Variants in XDH observed in about 807,000 individuals in gnomAD.
XDH encodes the protein xanthine dehydrogenase.
In XDH, 138 loss-of-function variants were observed where a neutral mutation model predicts 156.1. The ratio of observed to expected loss-of-function variants is 0.88; its 90% CI spans 0.77 to 1.02. XDH has a LOEUF of 1.02. Among genes scored for constraint, XDH ranks in the 50% least tolerant of loss-of-function variants. The probability of loss-of-function intolerance (pLI) is 0.00; values close to 1 mark genes in which losing one functional copy is unlikely to be tolerated. For missense variants in XDH, 1,849 were observed against 1,684.9 expected, an observed-to-expected ratio of 1.10 and a Z score of -1.71; for synonymous variants, 669 against 625.7, an observed-to-expected ratio of 1.07 and a Z score of -1.03.
At chr2:31,404,253 T>C (rs1284041652) in intron 2 of XDH, among the ~76,000 whole-genome samples, 1 of 152,112 alleles carries the variant, frequency 6.6e-6, no homozygotes, top group Non-Finnish European at 1.5e-5. Flanking sequence ...TTCTGTGTCC[T>C]AGTCAGGATA....
At chr2:31,402,964 C>T in intron 3 of XDH, 84 bp downstream of exon 3, 1 of 1,462,372 alleles carries the variant, frequency 6.8e-7, no homozygotes, top group East Asian at 2.3e-5. Context: ...CATGCACATA[C>T]ACACATACAC....
rs1422353692 is a variant in XDH at position 31,414,573 on chromosome 2, T to C, written c.42+52A>G. 23 of 1,611,628 alleles carry C rather than the reference T, an allele frequency of 1.4e-5. No homozygotes were observed. In the Middle Eastern group the frequency reaches 1.2e-3, roughly 81 times the overall value. ...AGATATGGCTCTGCCAGAGGACACA[T>C]TTCCCCTCCCAGGGAGAAGGGACAC... is the stretch of plus-strand genomic sequence containing the variant. On this transcript the variant is annotated intron_variant, in intron 1 of 35. Coordinates refer to ENST00000379416, the MANE Select transcript of XDH (RefSeq NM_000379.4).
chr2:31,382,934 C>A, intron 11 of XDH, 67 bp downstream of exon 11: 1 of 1,609,958 alleles, frequency 6.2e-7, no homozygotes, highest in South Asian at 1.1e-5. Flanking sequence ...CAGTGAGAGT[C>A]TGGCTGCCCT....
At chr2:31,410,008 T>C (rs1261453383) in intron 1 of XDH, among the ~76,000 whole-genome samples, 1 of 152,198 alleles carries the variant, frequency 6.6e-6, no homozygotes, top group African/African-American at 2.4e-5. Flanking sequence ...AATAGATGAA[T>C]GGATAAGCAA....
At chr2:31,342,540 C>T (rs576616346) in intron 31 of XDH, among the ~76,000 whole-genome samples, 1 of 152,296 alleles carries the variant, frequency 6.6e-6, no homozygotes, top group East Asian at 1.9e-4. Flanking sequence ...TTCTGTACAG[C>T]CTAGCAGTGT....
At chr2:31,404,717 C>T (rs1687150037) in intron 2 of XDH, among the ~76,000 whole-genome samples, 1 of 152,144 alleles carries the variant, frequency 6.6e-6, no homozygotes, top group Non-Finnish European at 1.5e-5. Context: ...ATGCAATCAC[C>T]TGATCCGATC....
chr2:31,347,793 T>C (rs190169736), intron 28 of XDH, 143 bp from the exon 29 acceptor site: 2 of 1,157,700 alleles, frequency 1.7e-6, no homozygotes, highest in Non-Finnish European at 2.4e-6. Context: ...GGGATGTCCT[T>C]ACATCTGGCT....
Position 31,381,695 on chromosome 2 carries a change from G to A in XDH, c.1070C>T (p.Pro357Leu). ...GAACACGGGGTTGAGGTCGGAGATG[G>A]GGCTGGCAGTGATGATGTTCCCTCC... ...SVGGNIITAS[P>L]ISDLNPVFMA... is the part of the protein sequence containing the mutation. Residue 357 changes from proline to leucine, a missense_variant, in exon 12 of 36, where the codon CCC (proline) becomes CTC (leucine). Physicochemically the swap from Pro to Leu is moderately conservative, Grantham distance 98. Coordinates refer to ENST00000379416, the MANE Select transcript of XDH (RefSeq NM_000379.4). The A allele has an allele frequency of 6.2e-7, 1 of 1,613,950 alleles. No individual in the cohort carries two copies. Among genetic ancestry groups the A allele is most frequent in the Non-Finnish European group, 8.5e-7 (1 of 1,179,980 alleles).
chr2:31,398,870 C>A (rs969348578), intron 4 of XDH, among the ~76,000 whole-genome samples, 171 bp from the exon 5 acceptor site: 13 of 152,178 alleles, frequency 8.5e-5, no homozygotes, highest in African/African-American at 2.4e-4. Context: ...AGTTTCCAAG[C>A]CCTCTGAGTC....
At chr2:31,349,631 G>C (rs1685404301) in intron 26 of XDH, 55 bp downstream of exon 26, 9 of 1,612,488 alleles carry the variant, frequency 5.6e-6, no homozygotes, top group Non-Finnish European at 7.6e-6. Context: ...TCAGCAGAAA[G>C]GCTGTAGGAT....
rs113824841 is a variant in XDH, at chr2:31,409,153, G to A, written c.43-3189C>T. On this transcript the variant is annotated intron_variant, in intron 1 of 35. Transcript: ENST00000379416. ...ATCAGAGGCTGGAAAGGGTAGTAGG[G>A]GGTAAGAGGAAAGTAGGGATGGCTA... Among the ~76,000 whole-genome samples the A allele has an allele frequency of 4.5e-3, 687 of 152,178 alleles. 7 individuals are homozygous for A. Among genetic ancestry groups the A allele is most frequent in the African/African-American group, 0.015 (638 of 41,522 alleles).
intron 24 of XDH, among the ~76,000 whole-genome samples, chr2:31,361,664 T>C (rs3820922): frequency 0.42 from 64,371 of 152,082 alleles, 14,818 homozygotes; most frequent in Non-Finnish European, 0.51. Context: ...TCCTGAGATT[T>C]AAGCACTATG....
rs1210425191 is a variant in XDH at position 31,378,107 on chromosome 2, AAAGGAAGGAAGGAAGG to A, written c.1243-886_1243-871del. The stretch of plus-strand genomic sequence containing the variant: ...GAAAGAAAGAAAGAAAGAAAGAAAG[AAAGGAAGGAAGGAAGG>A]AAGGAAGGAAGGAAGGAAGGAAGGA... On this transcript the variant is annotated intron_variant, in intron 13 of 35. Transcript: ENST00000379416. Among the ~76,000 whole-genome samples, 509 of 54,308 alleles carry A rather than the reference AAAGGAAGGAAGGAAGG, an allele frequency of 9.4e-3. 8 individuals are homozygous for A. Among genetic ancestry groups the A allele is most frequent in the African/African-American group, 0.019 (241 of 12,612 alleles). 35.6% of individuals were successfully genotyped at this position (54,308 alleles called of 152,430 possible).
At chr2:31,339,182 G>A (rs1214679085) in intron 34 of XDH, among the ~76,000 whole-genome samples, 10 of 152,124 alleles carry the variant, frequency 6.6e-5, no homozygotes, top group Admixed American at 1.3e-4. Flanking sequence ...AGTGACGTAC[G>A]CCTGAGATAT....
chr2:31,402,120 CAG>C (rs35575779), intron 3 of XDH, among the ~76,000 whole-genome samples: 7,522 of 152,186 alleles, frequency 0.049, 300 homozygotes, highest in African/African-American at 0.098. Flanking sequence ...TGATTTGCAG[CAG>C]AGTCTTAACT....
intron 1 of XDH, among the ~76,000 whole-genome samples, chr2:31,407,200 CTAA>C (rs1277676805): frequency 2.0e-5 from 3 of 152,190 alleles, no homozygotes; most frequent in Admixed American, 2.0e-4. Context: ...ACATAAAAAT[CTAA>C]CATGCCACCT....
At chr2:31,365,083 T>C (rs559985576) in intron 23 of XDH, among the ~76,000 whole-genome samples, 1 of 152,330 alleles carries the variant, frequency 6.6e-6, no homozygotes, top group South Asian at 2.1e-4. Flanking sequence ...GTTTTATTTC[T>C]CACAGTAAAT....
intron 2 of XDH, 116 bp from the exon 3 acceptor site, chr2:31,403,260 C>A (rs985010043): frequency 4.4e-6 from 5 of 1,142,572 alleles, no homozygotes; most frequent in Non-Finnish European, 6.3e-6. Flanking sequence ...TGCTCAGGCC[C>A]CTCAACCAAG....
Position 31,337,762 on chromosome 2 carries a change from T to A in XDH, c.3830A>T (p.Asp1277Val). 6 of 1,614,218 alleles carry A rather than the reference T, an allele frequency of 3.7e-6. No individual in the cohort carries two copies. The South Asian group carries it at 5.5e-5, about 15-fold the overall frequency. Residue 1277 changes from aspartate to valine, a missense_variant, in exon 35 of 36, where the codon GAT becomes GTT. By Grantham distance (152) the Asp-to-Val change is radical. Transcript: ENST00000379416. ...LAASIFFAIK[D>V]AIRAARAQHT... ...CTGAGCTCGAGCTGCACGGATGGCATCTTTGATGGCAAAGAAGATAGAAGC... is the reference window on the plus strand; with the variant it reads ...CTGAGCTCGAGCTGCACGGATGGCAACTTTGATGGCAAAGAAGATAGAAGC...
Sources: allele counts gnomAD v4.1 joint callset (sites outside exome capture counted in the v4.1 genomes callset), GRCh38; gene constraint gnomAD v4.1.1; transcripts MANE v1.5; gene names NCBI Gene and HGNC (gene_info 2026-07-23, HGNC 2026-07-21).